The following STRN variants were observed in gnomAD, a reference collection of about 807,000 sequenced individuals.
The protein encoded by STRN is protein phosphatase 2 regulatory subunit B'''alpha.
STRN carries 53 observed loss-of-function variants against 96.3 expected under a neutral mutation model. The ratio of observed to expected loss-of-function variants is 0.55; its 90% confidence interval spans 0.44 to 0.69. The LOEUF (loss-of-function observed/expected upper bound fraction) is 0.69. Among genes scored for constraint, STRN ranks in the 30% least tolerant of loss-of-function variants. The pLI, the probability that STRN is intolerant of heterozygous loss-of-function variation, is 0.00. For missense variants in STRN, 987 were observed against 963.9 expected, an observed-to-expected ratio of 1.02 and a Z score of -0.32; for synonymous variants, 428 against 355.9, an observed-to-expected ratio of 1.20 and a Z score of -2.28.
rs2148204294 is a variant in STRN, at chr2:36,905,530, A to G, written c.491+10T>C. The G allele has an allele frequency of 6.2e-7, 1 of 1,611,540 alleles. No individual in the cohort carries two copies. Among genetic ancestry groups the G allele is most frequent in the Non-Finnish European group, 8.5e-7 (1 of 1,177,792 alleles). Reference sequence around the variant, plus strand: ...TCAGCCATTTATAAGTTTCACCATGAGACACTTACTGTCTGAGTAGTTGTC... The same window carrying G: ...TCAGCCATTTATAAGTTTCACCATGGGACACTTACTGTCTGAGTAGTTGTC... On this transcript the variant is annotated intron_variant, in intron 4 of 17. Transcript: ENST00000263918.
chr2:36,867,374 CA>C (rs970382446), intron 12 of STRN: 112 of 137,242 alleles, frequency 8.2e-4, no homozygotes, highest in Non-Finnish European at 9.0e-4. Context: ...GACCCCGTCT[CA>C]AAAAAAAAAA....
At chr2:36,869,075 A>T (rs1030206284) in intron 11 of STRN, among the ~76,000 whole-genome samples, 3 of 152,170 alleles carry the variant, frequency 2.0e-5, no homozygotes, top group African/African-American at 2.4e-5. Flanking sequence ...GTGGGTATGG[A>T]AAGTACCTAA....
At chr2:36,960,952 A>T (rs1665014010) in intron 1 of STRN, among the ~76,000 whole-genome samples, 1 of 152,086 alleles carries the variant, frequency 6.6e-6, no homozygotes, top group South Asian at 2.1e-4. Context: ...GCTAGAGTGC[A>T]GGGGCATGAT....
At chr2:36,927,508 C>CA (rs1670441527) in intron 1 of STRN, among the ~76,000 whole-genome samples, 1 of 78,550 alleles carries the variant, frequency 1.3e-5, no homozygotes, top group Non-Finnish European at 2.2e-5. Context: ...GACCCTATAT[C>CA]AAAAAAACAA....
chr2:36,923,139 TG>T (rs1299067895), intron 2 of STRN, among the ~76,000 whole-genome samples: 5 of 129,834 alleles, frequency 3.9e-5, no homozygotes, highest in African/African-American at 1.5e-4. Flanking sequence ...AAACTCCGTC[TG>T]AAAAAAAAAA....
At position 36,966,325 on chromosome 2, in the gene STRN, A is replaced by G; in HGVS notation, c.139T>C (p.Tyr47His). 6.6e-7 allele frequency: 1 copy of G among 1,515,310 alleles called. No individual in the cohort carries two copies. The allele number at this position is 1,515,310 out of a possible 1,614,324, so 93.9% of individuals were successfully genotyped here. Reference protein sequence around the residue: ...AAAAGAARAQYSLPGILHFLQ... With the variant: ...AAAAGAARAQHSLPGILHFLQ... ...AAGTGCAGGATCCCCGGGAGACTGT[A>G]CTGGGCTCGGGCCGCCCCCGCCGCA... Residue 47 changes from tyrosine (Y) to histidine (H), a missense_variant, in exon 1 of 18, where the codon TAC becomes CAC. Transcript: ENST00000263918.
intron 7 of STRN, among the ~76,000 whole-genome samples, chr2:36,891,703 C>G (rs770918286): frequency 1.3e-5 from 2 of 152,118 alleles, no homozygotes; most frequent in Non-Finnish European, 2.9e-5. Context: ...GAGGTAAGCA[C>G]AAATTAGTTT....
chr2:36,965,007 T>C (rs915537974), intron 1 of STRN, among the ~76,000 whole-genome samples: 1 of 152,212 alleles, frequency 6.6e-6, no homozygotes, highest in Non-Finnish European at 1.5e-5. Flanking sequence ...GCCCTTACTA[T>C]AACCTTGTCT....
At chr2:36,853,315 G>A (rs796314872) in intron 15 of STRN, among the ~76,000 whole-genome samples, 14 of 152,214 alleles carry the variant, frequency 9.2e-5, no homozygotes, top group African/African-American at 2.2e-4. Flanking sequence ...AGCAACACCC[G>A]TGGTAAAGTC....
chr2:36,905,551 T>C lies in STRN; in HGVS notation c.480A>G (p.Gln160=), dbSNP rs777822877. 25 of 1,613,700 alleles carry C rather than the reference T, an allele frequency of 1.5e-5. No homozygotes were observed. The highest frequency in any genetic ancestry group is 1.2e-4 in the Admixed American group (7 of 60,018). Residue 160 remains glutamine (Q), a synonymous_variant, in exon 4 of 18, where the codon CAA becomes CAG. Coordinates refer to ENST00000263918, the MANE Select transcript of STRN (RefSeq NM_003162.4). ...NSQLMWKQGR[Q]LLRQYLQEVG... is the part of the protein sequence containing the mutation. The stretch of plus-strand genomic sequence containing the variant: ...CATGAGACACTTACTGTCTGAGTAG[T>C]TGTCGACCTTGTTTCCACATTAACT...
At chr2:36,919,824 T>A (rs1033468035) in intron 2 of STRN, among the ~76,000 whole-genome samples, 4 of 152,222 alleles carry the variant, frequency 2.6e-5, no homozygotes, top group African/African-American at 7.2e-5. Flanking sequence ...ATTTATATAG[T>A]ATTTGAGGTT....
rs1224279707 is a variant in STRN, at chr2:36,949,241, G to T, written c.234+16989C>A. On this transcript the variant is annotated intron_variant, in intron 1 of 17. Coordinates refer to ENST00000263918, the MANE Select transcript of STRN (RefSeq NM_003162.4). Reference sequence around the variant, plus strand: ...TATGTAGCAGGCTATACCATCTAGGGTTGTGTAAGTACACTCTACATGTTC... The same window carrying T: ...TATGTAGCAGGCTATACCATCTAGGTTTGTGTAAGTACACTCTACATGTTC... 4.6e-5 allele frequency among the ~76,000 whole-genome samples: 7 copies of T among 152,294 alleles called. No individual in the cohort carries two copies. In the East Asian group the frequency reaches 7.7e-4, roughly 17 times the overall value.
intron 15 of STRN, among the ~76,000 whole-genome samples, chr2:36,853,621 C>T (rs532232514): frequency 1.3e-5 from 2 of 152,202 alleles, no homozygotes; most frequent in Admixed American, 1.3e-4. Flanking sequence ...ACAGTCAAAT[C>T]GCCATTGACA....
At chr2:36,965,876 C>A (rs1040778363) in intron 1 of STRN, among the ~76,000 whole-genome samples, 2 of 152,164 alleles carry the variant, frequency 1.3e-5, no homozygotes, top group Admixed American at 1.3e-4. Context: ...GGACGATTTG[C>A]TCCGCGTCTC....
chr2:36,840,239 C>G lies in STRN; in HGVS notation c.*9217G>C, dbSNP rs1157312455. 1 of 152,290 alleles carries G rather than the reference C, an allele frequency of 6.6e-6. No individual in the cohort carries two copies. Among genetic ancestry groups the G allele is most frequent in the African/African-American group, 2.4e-5 (1 of 41,430 alleles). 9.4% of individuals were successfully genotyped at this position (152,290 alleles called of 1,614,324 possible). Reference sequence around the variant, plus strand: ...AGGCTCAGGTTCCAGGCTAGAAAAGCTCCCTTTCAACTGATCAGAGGCCAG... The same window carrying G: ...AGGCTCAGGTTCCAGGCTAGAAAAGGTCCCTTTCAACTGATCAGAGGCCAG... On this transcript the variant is annotated 3_prime_UTR_variant, in exon 18 of 18. Transcript: ENST00000263918.
chr2:36,929,527 G>A (rs370984885), intron 1 of STRN, among the ~76,000 whole-genome samples: 7 of 152,256 alleles, frequency 4.6e-5, no homozygotes, highest in South Asian at 4.1e-4. Context: ...TGGGATTACA[G>A]GTGCACACCA....
chr2:36,838,382 C>T lies in STRN; in HGVS notation c.*11074G>A, dbSNP rs1457460224. 6.6e-6 allele frequency among the ~76,000 whole-genome samples: 1 copy of T among 152,084 alleles called. No individual in the cohort carries two copies. The highest frequency in any genetic ancestry group is 1.5e-5 in the Non-Finnish European group (1 of 68,030). On this transcript the variant is annotated 3_prime_UTR_variant, in exon 18 of 18. Transcript: ENST00000263918. ...TGAACAGACAGCCCAGTTGAGTTTC[C>T]CTGGAGTTCTAACCTACAGAACTTT...
At chr2:36,867,686 A>T (rs183367092) in intron 12 of STRN, 128 bp downstream of exon 12, 189 of 543,038 alleles carry the variant, frequency 3.5e-4, no homozygotes, top group South Asian at 2.2e-3. Flanking sequence ...TTATCTGTCA[A>T]ATTCTTTTAC....
rs1323566362 is a variant in STRN at position 36,846,632 on chromosome 2, T to C, written c.*2824A>G. 6.6e-6 allele frequency: 1 copy of C among 151,590 alleles called. No homozygotes were observed. The highest frequency in any genetic ancestry group is 2.4e-5 in the African/African-American group (1 of 41,280). 9.4% of individuals were successfully genotyped at this position (151,590 alleles called of 1,614,324 possible). On this transcript the variant is annotated 3_prime_UTR_variant, in exon 18 of 18. Coordinates refer to ENST00000263918, the MANE Select transcript of STRN (RefSeq NM_003162.4). ...TGATGCAGCTCAATTTCCCCCGTTT[T>C]AGTCATAACTAAAATGATTATAAAA...
Sources: gnomAD v4.1 joint callset for allele counts (sites outside exome capture counted in the v4.1 genomes callset) on GRCh38, gnomAD v4.1.1 for gene constraint, MANE v1.5 for transcripts, NCBI Gene and HGNC (gene_info 2026-07-23, HGNC 2026-07-21) for gene names.